ADAMTS19: variants seen among roughly 807,000 people sequenced by gnomAD.
The protein encoded by ADAMTS19 is A disintegrin and metalloproteinase with thrombospondin motifs 19.
ADAMTS19 carries 93 observed loss-of-function variants against 153.3 expected under a neutral mutation model. The ratio of observed to expected loss-of-function variants is 0.61; its 90% CI spans 0.51 to 0.72. The LOEUF (loss-of-function observed/expected upper bound fraction) is 0.72, where lower values mean the gene tolerates loss of function less well. Ranked by LOEUF, ADAMTS19 falls within the 30% of genes least tolerant of loss-of-function variation. The pLI, the probability that ADAMTS19 is intolerant of heterozygous loss-of-function variation, is 0.00. For missense variants in ADAMTS19, 1,482 were observed against 1,552.1 expected, an observed-to-expected ratio of 0.95 and a Z score of 0.76; for synonymous variants, 600 against 556.6, an observed-to-expected ratio of 1.08 and a Z score of -1.10.
intron 8 of ADAMTS19, among the ~76,000 whole-genome samples, chr5:129,608,116 G>GTGTGTGTGTATATATATATATATATA (rs377008786): frequency 2.1e-4 from 10 of 47,948 alleles, no homozygotes; most frequent in Admixed American, 5.5e-4. Context: ...GTGTGTGTGT[G>GTGTGTGTGTATATATATATATATATA]TATATATATA....
chr5:129,468,464 C>T (rs1446412213), intron 2 of ADAMTS19, among the ~76,000 whole-genome samples: 3 of 152,136 alleles, frequency 2.0e-5, no homozygotes, highest in African/African-American at 7.2e-5. Flanking sequence ...AGCAATTCTC[C>T]TGCCTCAGCC....
intron 6 of ADAMTS19, among the ~76,000 whole-genome samples, chr5:129,532,515 C>T (rs1752246977): frequency 6.6e-6 from 1 of 152,124 alleles, no homozygotes; most frequent in Non-Finnish European, 1.5e-5. Flanking sequence ...GGTTCAACCA[C>T]ACTGGAAAAT....
intron 16 of ADAMTS19, among the ~76,000 whole-genome samples, chr5:129,674,488 C>T (rs1312480618): frequency 6.6e-6 from 1 of 151,988 alleles, no homozygotes; most frequent in Non-Finnish European, 1.5e-5. Flanking sequence ...TTTTCTCTGG[C>T]TTCTGTTGGA....
At chr5:129,668,199 C>T (rs1480375437) in intron 16 of ADAMTS19, among the ~76,000 whole-genome samples, 5 of 152,138 alleles carry the variant, frequency 3.3e-5, no homozygotes, top group African/African-American at 1.2e-4. Context: ...CCTTCTATGT[C>T]CAAATTTTCC....
At position 129,704,356 on chromosome 5, in the gene ADAMTS19, A is replaced by G. The variant is rs1397841290; in HGVS notation, c.3277A>G (p.Lys1093Glu). The G allele has an allele frequency of 1.9e-6, 3 of 1,613,982 alleles. No homozygotes were observed. Among genetic ancestry groups the G allele is most frequent in the Admixed American group, 1.7e-5 (1 of 59,998 alleles). The change falls in exon 21 of 23, where the codon AAA (lysine) becomes GAA (glutamate). Residue 1093 changes from lysine to glutamate, a missense_variant. This residue lies in a region of ADAMTS19 where 616 missense variants were observed against 724.4 expected (regional missense o/e 0.85). Coordinates refer to ENST00000274487, the MANE Select transcript of ADAMTS19 (RefSeq NM_133638.6). ...REAEDCEDYS[K>E]CYVWRMGDWS... ...GGCTGAAGACTGTGAGGATTATTCA[A>G]AATGCTATGTGTGGCGAATGGGTGA...
intron 3 of ADAMTS19, among the ~76,000 whole-genome samples, chr5:129,516,174 G>A (rs1179276794): frequency 6.6e-6 from 1 of 150,988 alleles, no homozygotes. Context: ...ATGTATTGTT[G>A]CATTCAGTTT....
intron 7 of ADAMTS19, among the ~76,000 whole-genome samples, chr5:129,580,274 G>A (rs1026372469): frequency 1.3e-5 from 2 of 152,082 alleles, no homozygotes; most frequent in Admixed American, 1.3e-4. Context: ...TGTGATTTTT[G>A]CACATTGATT....
chr5:129,524,621 AAC>A (rs1408365559), intron 3 of ADAMTS19, among the ~76,000 whole-genome samples: 2 of 150,752 alleles, frequency 1.3e-5, no homozygotes, highest in African/African-American at 4.9e-5. Context: ...AAAAAAAAAA[AAC>A]ATCAAAAAGT....
intron 7 of ADAMTS19, among the ~76,000 whole-genome samples, chr5:129,554,096 G>T (rs960915874): frequency 6.6e-6 from 1 of 152,054 alleles, no homozygotes; most frequent in African/African-American, 2.4e-5. Context: ...GAGATGATTC[G>T]AAGTATAGGA....
chr5:129,561,036 A>G (rs1171838365), intron 7 of ADAMTS19, among the ~76,000 whole-genome samples: 3 of 152,324 alleles, frequency 2.0e-5, no homozygotes, highest in African/African-American at 7.2e-5. Flanking sequence ...AAATTAAAAT[A>G]GATAAATTCT....
intron 2 of ADAMTS19, among the ~76,000 whole-genome samples, chr5:129,504,244 C>T (rs1751197922): frequency 6.6e-6 from 1 of 152,174 alleles, no homozygotes. Context: ...TTGTCTTATG[C>T]AAATCCTGCT....
At chr5:129,584,111 A>C (rs944195274) in intron 7 of ADAMTS19, among the ~76,000 whole-genome samples, 2 of 151,578 alleles carry the variant, frequency 1.3e-5, no homozygotes, top group Non-Finnish European at 3.0e-5. Flanking sequence ...GGATGTGCTA[A>C]TCCTTTCTGT....
intron 8 of ADAMTS19, among the ~76,000 whole-genome samples, chr5:129,603,814 A>T (rs1403751016): frequency 6.6e-6 from 1 of 152,180 alleles, no homozygotes; most frequent in Admixed American, 6.5e-5. Context: ...TCACACAGCT[A>T]ATAAGTGCCT....
At chr5:129,610,361 A>G (rs1342561106) in intron 8 of ADAMTS19, among the ~76,000 whole-genome samples, 1 of 152,088 alleles carries the variant, frequency 6.6e-6, no homozygotes, top group African/African-American at 2.4e-5. Flanking sequence ...ACATATGTAT[A>G]CATGTGCCAT....
chr5:129,536,984 C>T (rs944071364), intron 6 of ADAMTS19, among the ~76,000 whole-genome samples: 7 of 151,724 alleles, frequency 4.6e-5, no homozygotes, highest in Admixed American at 2.6e-4. Context: ...GGGTGCAGTG[C>T]ACCAGCATGG....
At chr5:129,463,646 C>T (rs1674881031) in intron 2 of ADAMTS19, among the ~76,000 whole-genome samples, 1 of 152,118 alleles carries the variant, frequency 6.6e-6, no homozygotes, top group Non-Finnish European at 1.5e-5. Flanking sequence ...AGCCCTGTTC[C>T]CTTATGAGCT....
At chr5:129,658,411 A>G (rs544218519) in intron 14 of ADAMTS19, among the ~76,000 whole-genome samples, 5 of 152,026 alleles carry the variant, frequency 3.3e-5, no homozygotes, top group African/African-American at 1.2e-4. Context: ...ATCTCTCATC[A>G]CTATCTTGGT....
chr5:129,626,272 A>T (rs762373997), intron 10 of ADAMTS19, among the ~76,000 whole-genome samples: 9 of 152,066 alleles, frequency 5.9e-5, no homozygotes, highest in Non-Finnish European at 1.0e-4. Context: ...AAACCCTTAG[A>T]TCAGATCTCA....
chr5:129,715,166 A>T (rs2127188618), intron 21 of ADAMTS19, among the ~76,000 whole-genome samples: 1 of 152,266 alleles, frequency 6.6e-6, no homozygotes, highest in Middle Eastern at 3.4e-3. Context: ...AGGGAAATGA[A>T]TTTTTTTACT....
Sources: allele counts gnomAD v4.1 joint callset (sites outside exome capture counted in the v4.1 genomes callset), GRCh38; gene constraint gnomAD v4.1.1; regional missense constraint gnomAD v4.1.1; transcripts MANE v1.5; gene names NCBI Gene and HGNC (gene_info 2026-07-23, HGNC 2026-07-21).